Variants in DSCAM observed in about 807,000 individuals in gnomAD.
DSCAM encodes cell adhesion molecule DSCAM.
A neutral mutation model predicts 217.7 loss-of-function variants in DSCAM; 47 were observed. That is an observed-to-expected ratio of 0.22 (90% CI 0.17 to 0.28). DSCAM has a LOEUF of 0.28. Among genes scored for constraint, DSCAM ranks in the 10% least tolerant of loss-of-function variants. DSCAM has a pLI of 1.00. For missense variants in DSCAM, 2,080 were observed against 2,618.3 expected (o/e 0.79, Z 4.49); for synonymous variants, 1,056 against 1,015.3 (o/e 1.04, Z -0.76).
At chr21:40,717,491 C>A (rs35035578) in intron 1 of DSCAM, among the ~76,000 whole-genome samples, 3,603 of 152,328 alleles carry the variant, frequency 0.024, 59 homozygotes, top group Middle Eastern at 0.034. Context: ...AATGGGATAT[C>A]ACTCAGCAAT....
intron 11 of DSCAM, among the ~76,000 whole-genome samples, chr21:40,216,759 C>A (rs930714050): frequency 6.6e-6 from 1 of 152,322 alleles, no homozygotes; most frequent in South Asian, 2.1e-4. Flanking sequence ...AGGCCCCTCC[C>A]GCAGCCAACC....
intron 1 of DSCAM, among the ~76,000 whole-genome samples, chr21:40,818,249 A>T (rs143218239): frequency 0.064 from 9,712 of 151,624 alleles, 435 homozygotes; most frequent in Non-Finnish European, 0.096. Context: ...TTTCTTTTTA[A>T]AAAAAAGACA....
chr21:40,563,355 T>C (rs1448217904), intron 3 of DSCAM, among the ~76,000 whole-genome samples: 1 of 151,486 alleles, frequency 6.6e-6, no homozygotes, highest in African/African-American at 2.4e-5. Context: ...ACCTATATTT[T>C]GAAATACAGG....
intron 20 of DSCAM, among the ~76,000 whole-genome samples, chr21:40,120,162 TCTCA>T (rs1331760958): frequency 6.6e-6 from 1 of 152,300 alleles, no homozygotes; most frequent in Non-Finnish European, 1.5e-5. Context: ...AGTGGTGTAT[TCTCA>T]CTGATTAACT....
intron 1 of DSCAM, among the ~76,000 whole-genome samples, chr21:40,724,198 G>T (rs571619487): frequency 1.3e-5 from 2 of 152,272 alleles, no homozygotes; most frequent in South Asian, 4.1e-4. Context: ...AAGCTCAAAG[G>T]TTTCAAAAGG....
chr21:40,260,000 T>C (rs1340358161), intron 11 of DSCAM, among the ~76,000 whole-genome samples: 5 of 152,060 alleles, frequency 3.3e-5, no homozygotes, highest in African/African-American at 1.2e-4. Flanking sequence ...GTGCTGGGAT[T>C]ACAGGCGTGA....
chr21:40,375,131 TA>T (rs776097998), intron 3 of DSCAM, among the ~76,000 whole-genome samples: 1 of 152,210 alleles, frequency 6.6e-6, no homozygotes, highest in Non-Finnish European at 1.5e-5. Context: ...CATCATATTT[TA>T]TCTAACAGGA....
chr21:40,428,516 C>G (rs1373714906), intron 3 of DSCAM, among the ~76,000 whole-genome samples: 1 of 151,956 alleles, frequency 6.6e-6, no homozygotes, highest in Non-Finnish European at 1.5e-5. Context: ...GTAATCCACC[C>G]GCCTCAGCCT....
At chr21:40,336,271 A>G (rs1469374506) in intron 8 of DSCAM, among the ~76,000 whole-genome samples, 2 of 152,124 alleles carry the variant, frequency 1.3e-5, no homozygotes, top group Admixed American at 6.5e-5. Flanking sequence ...GGTCTTTTCT[A>G]TTTGTCAAAC....
intron 11 of DSCAM, among the ~76,000 whole-genome samples, chr21:40,227,510 G>A (rs1000060120): frequency 6.6e-6 from 1 of 152,186 alleles, no homozygotes; most frequent in African/African-American, 2.4e-5. Context: ...CCTAGCAGCT[G>A]TCTCAAGTTC....
intron 1 of DSCAM, among the ~76,000 whole-genome samples, chr21:40,784,341 T>C (rs1234879334): frequency 6.6e-6 from 1 of 152,150 alleles, no homozygotes; most frequent in African/African-American, 2.4e-5. Context: ...TTCTTTCTTG[T>C]CTGCTGCCGT....
intron 3 of DSCAM, among the ~76,000 whole-genome samples, chr21:40,617,930 A>T (rs2089426714): frequency 6.6e-6 from 1 of 152,236 alleles, no homozygotes; most frequent in Non-Finnish European, 1.5e-5. Context: ...CGAAGCAGGC[A>T]AAACACCGGC....
At chr21:40,188,196 A>G (rs1384861412) in intron 12 of DSCAM, among the ~76,000 whole-genome samples, 1 of 152,178 alleles carries the variant, frequency 6.6e-6, no homozygotes, top group East Asian at 1.9e-4. Context: ...TCTGAGGACA[A>G]ATTATTTCAG....
chr21:40,172,420 G>A (rs537256599), intron 15 of DSCAM, among the ~76,000 whole-genome samples: 1 of 152,350 alleles, frequency 6.6e-6, no homozygotes, highest in Non-Finnish European at 1.5e-5. Flanking sequence ...CTGTTTGGCT[G>A]AAAACACAGG....
rs144174292 is a variant in DSCAM, at chr21:40,206,319, G to C, written c.2357-17081C>G. Among the ~76,000 whole-genome samples, 589 of 146,402 alleles carry C rather than the reference G, an allele frequency of 4.0e-3. 1 individual carries two copies. Among genetic ancestry groups the C allele is most frequent in the Middle Eastern group, 7.0e-3 (2 of 284 alleles). On this transcript the variant is annotated intron_variant, in intron 11 of 32. Transcript: ENST00000400454. ...GCTGGGGAAAAGCACCTGAGGCCAG[G>C]GGTCAAGGAGGCAGCTCTGGGTAGC...
At chr21:40,152,525 C>T (rs1477713815) in intron 16 of DSCAM, among the ~76,000 whole-genome samples, 1 of 152,098 alleles carries the variant, frequency 6.6e-6, no homozygotes. Context: ...AGGTTTTTTT[C>T]TCCTGTAGTC....
intron 3 of DSCAM, chr21:40,615,478 A>G (rs904926694): frequency 6.6e-6 from 1 of 151,330 alleles, no homozygotes; most frequent in African/African-American, 2.4e-5. Flanking sequence ...ATTATCTTCA[A>G]TGGCTCTGAA....
At chr21:40,637,634 T>TATATATATAG (rs1282837371) in intron 3 of DSCAM, among the ~76,000 whole-genome samples, 33 of 64,912 alleles carry the variant, frequency 5.1e-4, no homozygotes, top group South Asian at 2.5e-3. Context: ...CATATATAAA[T>TATATATATAG]ATATATAAAT....
intron 3 of DSCAM, among the ~76,000 whole-genome samples, chr21:40,545,893 G>T (rs2076578663): frequency 6.6e-6 from 1 of 152,226 alleles, no homozygotes; most frequent in African/African-American, 2.4e-5. Context: ...CAAGGGCTTT[G>T]GGAACAGAAA....
Sources: allele counts gnomAD v4.1 joint callset (sites outside exome capture counted in the v4.1 genomes callset), GRCh38; gene constraint gnomAD v4.1.1; transcripts MANE v1.5; gene names NCBI Gene and HGNC (gene_info 2026-07-23, HGNC 2026-07-21).